NCS1: variants seen among roughly 807,000 people sequenced by gnomAD.
NCS1 encodes the protein frequenin homolog.
NCS1 carries 6 observed loss-of-function variants against 28.4 expected under a neutral mutation model. That is an observed-to-expected ratio of 0.21 (90% CI 0.12 to 0.42). The LOEUF is 0.42. Ranked by LOEUF, NCS1 falls within the 10% of genes least tolerant of loss-of-function variation. The pLI, the probability that NCS1 is intolerant of heterozygous loss-of-function variation, is 1.00. For synonymous variants in NCS1, 86 were observed against 99.3 expected (o/e 0.87, Z 0.79); for missense variants, 131 against 241.4 (o/e 0.54, Z 3.03).
intron 1 of NCS1, among the ~76,000 whole-genome samples, chr9:130,173,379 A>C (rs970070849): frequency 6.6e-6 from 1 of 152,134 alleles, no homozygotes; most frequent in Non-Finnish European, 1.5e-5. Context: ...TGTGATCATT[A>C]GCTGTCGCGG....
At chr9:130,229,413 C>G (rs1260368037) in intron 7 of NCS1, among the ~76,000 whole-genome samples, 1 of 152,026 alleles carries the variant, frequency 6.6e-6, no homozygotes, top group Non-Finnish European at 1.5e-5. Context: ...TGCCACCACG[C>G]CCGGCTAATT....
In NCS1 at chr9:130,219,406, G is replaced by GAGGA. The variant is rs1182932846; in HGVS notation, c.229-318_229-315dup. 1.3e-5 allele frequency among the ~76,000 whole-genome samples: 2 copies of GAGGA among 152,176 alleles called. No individual in the cohort carries two copies. The highest frequency in any genetic ancestry group is 2.9e-5 in the Non-Finnish European group (2 of 68,016). ...CGAGGGGCTTCCGGGCTGTTGCTGA[G>GAGGA]AGGAGCTCAGGCATTGGTGCTTCTG... On this transcript the variant is annotated intron_variant, in intron 3 of 7. Coordinates refer to ENST00000372398, the MANE Select transcript of NCS1 (RefSeq NM_014286.4). This position sits in a 1 kb window ranked among gnomAD's most constrained non-coding sequence, Gnocchi z 5.7.
At chr9:130,176,824 C>T (rs1291215608) in intron 1 of NCS1, among the ~76,000 whole-genome samples, 4 of 152,226 alleles carry the variant, frequency 2.6e-5, no homozygotes, top group African/African-American at 4.8e-5. Flanking sequence ...CCGGGTTATC[C>T]GAAAACTCCA....
chr9:130,220,736 T>C lies in NCS1; in HGVS notation c.307+933T>C, dbSNP rs1456512404. On this transcript the variant is annotated intron_variant, in intron 4 of 7. Coordinates refer to ENST00000372398, the MANE Select transcript of NCS1 (RefSeq NM_014286.4). ...CAGCAAGAAGACCCTGCAGTTTCTT[T>C]TTCTTTTTCTTTCTTTCTTTTTTTT... 5.3e-5 allele frequency among the ~76,000 whole-genome samples: 8 copies of C among 151,720 alleles called. No homozygotes were observed. In the East Asian group the frequency reaches 1.3e-3, roughly 26 times the overall value.
chr9:130,221,300 A>G (rs2131153830), intron 4 of NCS1, among the ~76,000 whole-genome samples: 1 of 149,008 alleles, frequency 6.7e-6, no homozygotes, highest in African/African-American at 2.5e-5. Flanking sequence ...CTGGAATTAC[A>G]GGTGTGAGCC....
At chr9:130,210,082 C>T (rs1833091589) in intron 2 of NCS1, among the ~76,000 whole-genome samples, 1 of 152,092 alleles carries the variant, frequency 6.6e-6, no homozygotes. Flanking sequence ...CGTCCCCGCC[C>T]ATGTACTAGG....
chr9:130,172,543 A>T lies in NCS1; in HGVS notation c.-121A>T. The T allele has an allele frequency of 3.1e-6, 1 of 320,818 alleles. No individual in the cohort carries two copies. Among genetic ancestry groups the T allele is most frequent in the Non-Finnish European group, 4.4e-6 (1 of 226,256 alleles). 19.9% of individuals were successfully genotyped at this position (320,818 alleles called of 1,614,324 possible). On this transcript the variant is annotated 5_prime_UTR_variant, in exon 1 of 8. Coordinates refer to ENST00000372398, the MANE Select transcript of NCS1 (RefSeq NM_014286.4). ...GGCGCCCCGGCGCCGACAGCCGCGC[A>T]GCGCAGCGCGGGCGCCGCAGACAAA...
chr9:130,232,184 C>T lies in NCS1; in HGVS notation c.*18-806C>T, dbSNP rs1325208863. ...CTGGTCTTGAACTCCTGGCCTCAAG[C>T]GATCCTCCTGCCTTGGCCTCCCAAA... On this transcript the variant is annotated intron_variant, in intron 7 of 7. Transcript: ENST00000372398. This position sits in a 1 kb window ranked among gnomAD's most constrained non-coding sequence, Gnocchi z 4.4. Among the ~76,000 whole-genome samples, 4 of 152,080 alleles carry T rather than the reference C, an allele frequency of 2.6e-5. No individual in the cohort carries two copies. The highest frequency in any genetic ancestry group is 2.1e-4 in the South Asian group (1 of 4,826).
chr9:130,188,423 CTTTTTTT>C (rs34686734), intron 1 of NCS1, among the ~76,000 whole-genome samples: 1 of 138,224 alleles, frequency 7.2e-6, no homozygotes, highest in East Asian at 2.1e-4. Context: ...CTGAACTTTC[CTTTTTTT>C]TTTTTTTTTG....
At chr9:130,200,630 C>A in intron 1 of NCS1, 1 of 1,551,802 alleles carries the variant, frequency 6.4e-7, no homozygotes, top group Non-Finnish European at 8.7e-7. Flanking sequence ...TAGATGTTGG[C>A]CTGGGAGCAA....
At chr9:130,189,616 C>T (rs927412476) in intron 1 of NCS1, among the ~76,000 whole-genome samples, 4 of 151,884 alleles carry the variant, frequency 2.6e-5, no homozygotes, top group Non-Finnish European at 5.9e-5. Context: ...CCGAGGTGGG[C>T]GGATCACTTG....
At chr9:130,227,403 G>C (rs1833430685) in intron 7 of NCS1, among the ~76,000 whole-genome samples, 1 of 152,242 alleles carries the variant, frequency 6.6e-6, no homozygotes, top group African/African-American at 2.4e-5. Context: ...GATGCCTGCT[G>C]TTGGTGTATA....
intron 2 of NCS1, among the ~76,000 whole-genome samples, chr9:130,203,134 ATATT>A (rs1832979479): frequency 1.6e-5 from 1 of 64,294 alleles, no homozygotes; most frequent in Non-Finnish European, 3.6e-5. Context: ...ATATATATAT[ATATT>A]TTTTTTTTTT....
In NCS1 at chr9:130,215,060, T is replaced by C. The variant is rs904483373; in HGVS notation, c.90-2772T>C. On this transcript the variant is annotated intron_variant, in intron 2 of 7. Coordinates refer to ENST00000372398, the MANE Select transcript of NCS1 (RefSeq NM_014286.4). This position sits in a 1 kb window ranked among gnomAD's most constrained non-coding sequence, Gnocchi z 4.2. ...TTGTCTTTATTGTTTTTAATAACCT[T>C]TTAGAATCACTCAAGTAACACAAAG... Among the ~76,000 whole-genome samples, 3 of 152,204 alleles carry C rather than the reference T, an allele frequency of 2.0e-5. No homozygotes were observed. The highest frequency in any genetic ancestry group is 3.9e-4 in the East Asian group (2 of 5,192).
In NCS1 at chr9:130,233,579, A is replaced by G. The variant is rs1281766215; in HGVS notation, c.*607A>G. On this transcript the variant is annotated 3_prime_UTR_variant, in exon 8 of 8. Transcript: ENST00000372398. This position sits in a 1 kb window ranked among gnomAD's most constrained non-coding sequence, Gnocchi z 4.8. ...TATGAGGATGATGATTTTTTTTGTG[A>G]TAACAGTATTGTGCTTTTTGTGGGG... 1 of 151,790 alleles carries G rather than the reference A, an allele frequency of 6.6e-6. No homozygotes were observed. The highest frequency in any genetic ancestry group is 1.5e-5 in the Non-Finnish European group (1 of 67,876). 9.4% of individuals were successfully genotyped at this position (151,790 alleles called of 1,614,324 possible).
At position 130,206,688 on chromosome 9, in the gene NCS1, G is replaced by T. The variant is rs562064390; in HGVS notation, c.89+5706G>T. 6.6e-5 allele frequency among the ~76,000 whole-genome samples: 10 copies of T among 152,224 alleles called. No homozygotes were observed. In the South Asian group the frequency reaches 2.1e-3, roughly 32 times the overall value. ...GCCTCCCAAAGTGCTGGGATTACAT[G>T]TGTGAGCCACCGCGCCCGGCCCCGT... On this transcript the variant is annotated intron_variant, in intron 2 of 7. Coordinates refer to ENST00000372398, the MANE Select transcript of NCS1 (RefSeq NM_014286.4).
chr9:130,231,890 AAGGT>A (rs1554912166), intron 7 of NCS1, among the ~76,000 whole-genome samples: 2 of 151,778 alleles, frequency 1.3e-5, no homozygotes. Flanking sequence ...AAAAAAAAAA[AAGGT>A]AGCCATCCTA....
chr9:130,214,435 G>C (rs1554909122), intron 2 of NCS1, among the ~76,000 whole-genome samples: 1 of 152,256 alleles, frequency 6.6e-6, no homozygotes, highest in African/African-American at 2.4e-5. Flanking sequence ...AAGGAAGTGA[G>C]GCTTCACAGC....
At chr9:130,194,429 ACT>A (rs1832853812) in intron 1 of NCS1, among the ~76,000 whole-genome samples, 1 of 146,756 alleles carries the variant, frequency 6.8e-6, no homozygotes. Flanking sequence ...GCTAGGACCC[ACT>A]CTCTGCTCTG....
Sources: gnomAD v4.1 joint callset for allele counts (sites outside exome capture counted in the v4.1 genomes callset) on GRCh38, gnomAD v4.1.1 for gene constraint, Gnocchi (gnomAD v3.1) non-coding constraint, MANE v1.5 for transcripts, NCBI Gene and HGNC (gene_info 2026-07-23, HGNC 2026-07-21) for gene names.